The following CLSTN2 variants were observed in gnomAD, a reference collection of about 807,000 sequenced individuals.
CLSTN2 encodes calsyntenin 2, also known as calsyntenin-2.
A neutral mutation model predicts 101.2 loss-of-function variants in CLSTN2; 48 were observed. That is an observed-to-expected ratio of 0.47 (90% confidence interval 0.38 to 0.60). CLSTN2 has a LOEUF of 0.60. Ranked by LOEUF, CLSTN2 falls within the 20% of genes least tolerant of loss-of-function variation. CLSTN2 has a pLI of 0.00. For missense variants in CLSTN2, 1,160 were observed against 1,238.2 expected, an observed-to-expected ratio of 0.94 and a Z score of 0.95; for synonymous variants, 481 against 463.6, an observed-to-expected ratio of 1.04 and a Z score of -0.48.
Position 140,567,571 on chromosome 3 carries a change from C to T in CLSTN2, c.*1318C>T, listed in dbSNP as rs1461537330. 1 of 152,180 alleles carries T rather than the reference C, an allele frequency of 6.6e-6. No homozygotes were observed. Among genetic ancestry groups the T allele is most frequent in the East Asian group, 1.9e-4 (1 of 5,196 alleles). The allele number at this position is 152,180 out of a possible 1,614,324, so 9.4% of individuals were successfully genotyped here. Reference sequence around the variant, plus strand: ...GTGAAGAGAATTGTTTCTATAGTAACTGGTCTGTGATCTTTTGTGGCCAAG... The same window carrying T: ...GTGAAGAGAATTGTTTCTATAGTAATTGGTCTGTGATCTTTTGTGGCCAAG... On this transcript the variant is annotated 3_prime_UTR_variant, in exon 17 of 17. Coordinates refer to ENST00000458420, the MANE Select transcript of CLSTN2 (RefSeq NM_022131.3).
intron 8 of CLSTN2, among the ~76,000 whole-genome samples, chr3:140,519,517 G>A (rs1429768808): frequency 6.6e-6 from 1 of 152,166 alleles, no homozygotes; most frequent in Non-Finnish European, 1.5e-5. Context: ...TGGTTCTCCT[G>A]TATTGAGTGC....
At chr3:140,293,538 A>T (rs1412538436) in intron 2 of CLSTN2, among the ~76,000 whole-genome samples, 1 of 152,194 alleles carries the variant, frequency 6.6e-6, no homozygotes. Context: ...TCCCATGATG[A>T]TCATGATGGC....
chr3:140,029,614 G>C (rs569826334), intron 1 of CLSTN2, among the ~76,000 whole-genome samples: 127 of 152,318 alleles, frequency 8.3e-4, no homozygotes, highest in African/African-American at 3.0e-3. Context: ...CTTCACAGGG[G>C]ATTTGGGCCT....
At chr3:140,345,541 C>T (rs746153626) in intron 2 of CLSTN2, among the ~76,000 whole-genome samples, 28 of 151,300 alleles carry the variant, frequency 1.9e-4, no homozygotes, top group Non-Finnish European at 3.4e-4. Flanking sequence ...TGAGCCACCG[C>T]GCCCGGCCGG....
intron 1 of CLSTN2, among the ~76,000 whole-genome samples, chr3:140,130,046 C>A (rs1006225796): frequency 6.6e-6 from 1 of 152,188 alleles, no homozygotes. Flanking sequence ...GGGATGGATA[C>A]CCACTTTGTC....
intron 2 of CLSTN2, among the ~76,000 whole-genome samples, chr3:140,319,371 G>A: frequency 6.6e-6 from 1 of 152,284 alleles, no homozygotes; most frequent in Admixed American, 6.5e-5. Flanking sequence ...AGTGGTACTT[G>A]GGTCTGCGTG....
chr3:140,123,840 A>ATG (rs921863103), intron 1 of CLSTN2, among the ~76,000 whole-genome samples: 1 of 79,118 alleles, frequency 1.3e-5, no homozygotes, highest in Admixed American at 1.4e-4. Context: ...ATGTATGTAT[A>ATG]TGTGTGTGTG....
intron 8 of CLSTN2, among the ~76,000 whole-genome samples, chr3:140,501,601 G>C (rs150414048): frequency 6.6e-6 from 1 of 152,256 alleles, no homozygotes; most frequent in East Asian, 1.9e-4. Context: ...ATCAGATTAT[G>C]TAACTGAGCC....
chr3:139,975,492 A>G (rs938080518), intron 1 of CLSTN2, among the ~76,000 whole-genome samples: 1 of 152,168 alleles, frequency 6.6e-6, no homozygotes, highest in Non-Finnish European at 1.5e-5. Flanking sequence ...GTGACATAGG[A>G]TTATGAGAAG....
At chr3:140,277,460 T>C (rs148739663) in intron 2 of CLSTN2, among the ~76,000 whole-genome samples, 264 of 152,354 alleles carry the variant, frequency 1.7e-3, no homozygotes, top group African/African-American at 6.2e-3. Flanking sequence ...GTTCTGCAGA[T>C]GACTGCTCCA....
At chr3:140,317,574 A>AG (rs1195133432) in intron 2 of CLSTN2, among the ~76,000 whole-genome samples, 1 of 152,104 alleles carries the variant, frequency 6.6e-6, no homozygotes, top group South Asian at 2.1e-4. Flanking sequence ...ACCTCTCCAG[A>AG]CTTTGTTTCT....
At chr3:140,537,489 A>AC (rs1243887489) in intron 9 of CLSTN2, among the ~76,000 whole-genome samples, 1 of 152,070 alleles carries the variant, frequency 6.6e-6, no homozygotes, top group Non-Finnish European at 1.5e-5. Context: ...GTCGGGATGA[A>AC]CCTAGCATCA....
At chr3:140,286,247 G>C (rs1313578221) in intron 2 of CLSTN2, among the ~76,000 whole-genome samples, 1 of 152,304 alleles carries the variant, frequency 6.6e-6, no homozygotes, top group African/African-American at 2.4e-5. Context: ...TGTGTGCTGA[G>C]CCTTTTATTC....
chr3:140,492,224 T>A (rs1934367563), intron 8 of CLSTN2, among the ~76,000 whole-genome samples: 1 of 152,220 alleles, frequency 6.6e-6, no homozygotes, highest in Non-Finnish European at 1.5e-5. Flanking sequence ...TGTATATTGC[T>A]TGTGGGAGTA....
At chr3:139,951,809 A>C (rs367633383) in intron 1 of CLSTN2, among the ~76,000 whole-genome samples, 8 of 151,996 alleles carry the variant, frequency 5.3e-5, no homozygotes, top group Non-Finnish European at 1.2e-4. Context: ...CCAGTGGATT[A>C]GACTCCAGCA....
At chr3:140,100,764 G>A (rs1474865159) in intron 1 of CLSTN2, among the ~76,000 whole-genome samples, 1 of 152,214 alleles carries the variant, frequency 6.6e-6, no homozygotes, top group Admixed American at 6.5e-5. Context: ...AACACGCCGG[G>A]AGACGCATCA....
At position 140,532,367 on chromosome 3, in the gene CLSTN2, T is replaced by C; in HGVS notation, c.1388T>C (p.Phe463Ser). ...EWHYYVINVE[F>S]PVVTLYMDGA... is the part of the protein sequence containing the mutation. ...CACTACTATGTCATCAATGTGGAGT[T>C]TCCTGTGGTAACCTTATACATGGAT... The change falls in exon 9 of 17, where the codon TTT (phenylalanine) becomes TCT (serine). Residue 463 changes from phenylalanine to serine, a missense_variant. Coordinates refer to ENST00000458420, the MANE Select transcript of CLSTN2 (RefSeq NM_022131.3). 1.2e-6 allele frequency: 2 copies of C among 1,612,948 alleles called. No homozygotes were observed. Among genetic ancestry groups the C allele is most frequent in the Non-Finnish European group, 1.7e-6 (2 of 1,179,198 alleles).
intron 1 of CLSTN2, among the ~76,000 whole-genome samples, chr3:139,948,631 G>A (rs1053912756): frequency 6.6e-6 from 1 of 152,174 alleles, no homozygotes; most frequent in Non-Finnish European, 1.5e-5. Context: ...TTGCTTTGAA[G>A]TGGTGGCTCA....
chr3:140,048,942 C>T (rs181451589), intron 1 of CLSTN2, among the ~76,000 whole-genome samples: 8 of 152,322 alleles, frequency 5.3e-5, no homozygotes, highest in Non-Finnish European at 7.4e-5. Flanking sequence ...CATTCCCTCC[C>T]GATTTGACCA....
Sources: allele counts gnomAD v4.1 joint callset (sites outside exome capture counted in the v4.1 genomes callset), GRCh38; gene constraint gnomAD v4.1.1; transcripts MANE v1.5; gene names NCBI Gene and HGNC (gene_info 2026-07-23, HGNC 2026-07-21).